Variants in LTN1 observed in about 807,000 individuals in gnomAD.
The protein encoded by LTN1 is listerin E3 ubiquitin protein ligase 1.
In LTN1, 88 loss-of-function variants were observed where a neutral mutation model predicts 201.2. The observed-to-expected ratio is 0.44, with a 90% CI of 0.37 to 0.52. The LOEUF (loss-of-function observed/expected upper bound fraction) is 0.52. Ranked by LOEUF, LTN1 falls within the 20% of genes least tolerant of loss-of-function variation. The pLI, the probability that LTN1 is intolerant of heterozygous loss-of-function variation, is 0.00. For missense variants in LTN1, 1,752 were observed against 2,038.7 expected (o/e 0.86, Z 2.71); for synonymous variants, 645 against 713.5 (o/e 0.90, Z 1.53).
intron 21 of LTN1, 83 bp from the exon 22 acceptor site, chr21:28,944,679 C>A: frequency 1.1e-6 from 1 of 935,938 alleles, no homozygotes; most frequent in Non-Finnish European, 1.6e-6. Flanking sequence ...AAAAGCCCCA[C>A]TTTCATTTCT....
intron 8 of LTN1, 28 bp from the exon 9 acceptor site, chr21:28,969,629 T>C (rs769113223): frequency 7.2e-6 from 11 of 1,537,412 alleles, no homozygotes; most frequent in Non-Finnish European, 8.7e-6. Flanking sequence ...ACTGGATTAC[T>C]CTTTCATGAA....
intron 6 of LTN1, among the ~76,000 whole-genome samples, chr21:28,977,788 C>T (rs1432303141): frequency 1.3e-5 from 2 of 151,964 alleles, no homozygotes; most frequent in East Asian, 1.9e-4. Context: ...ATTAGCCAGG[C>T]GTGGTGGTGG....
intron 16 of LTN1, among the ~76,000 whole-genome samples, chr21:28,954,148 A>G (rs908477366): frequency 3.9e-5 from 6 of 152,216 alleles, no homozygotes; most frequent in Non-Finnish European, 2.9e-5. Flanking sequence ...AATTAGTAAC[A>G]CAAAAAATTA....
intron 14 of LTN1, among the ~76,000 whole-genome samples, 154 bp from the exon 15 acceptor site, chr21:28,957,630 C>T (rs1041235922): frequency 5.3e-5 from 8 of 151,978 alleles, no homozygotes; most frequent in African/African-American, 1.7e-4. Flanking sequence ...CGATGACACA[C>T]CAACATAACA....
At position 28,941,329 on chromosome 21, in the gene LTN1, A is replaced by C; in HGVS notation, c.4373T>G (p.Val1458Gly). 1 of 1,613,486 alleles carries C rather than the reference A, an allele frequency of 6.2e-7. No homozygotes were observed. Among genetic ancestry groups the C allele is most frequent in the Non-Finnish European group, 8.5e-7 (1 of 1,179,582 alleles). Residue 1458 changes from valine to glycine, a missense_variant, in exon 25 of 30, where the codon GTT becomes GGT. By Grantham distance (109) the Val-to-Gly change is moderately radical. This residue lies in a region of LTN1 where 1,211 missense variants were observed against 1,312.8 expected (regional missense o/e 0.92). Transcript: ENST00000361371. ...LLENVLGCIP[V>G]GQIVTIKPLS... ...TGGTTTAATAGTAACTATCTGTCCAACAGGAATACACCCCAAAACATTTTC... is the reference window on the plus strand; with the variant it reads ...TGGTTTAATAGTAACTATCTGTCCACCAGGAATACACCCCAAAACATTTTC...
At chr21:28,944,875 T>C (rs1299310128) in intron 21 of LTN1, among the ~76,000 whole-genome samples, 1 of 152,186 alleles carries the variant, frequency 6.6e-6, no homozygotes, top group Non-Finnish European at 1.5e-5. Context: ...ACACATTAAA[T>C]ACACATTTAT....
chr21:28,958,104 G>A (rs898096517), intron 14 of LTN1, among the ~76,000 whole-genome samples: 25 of 152,156 alleles, frequency 1.6e-4, no homozygotes, highest in Admixed American at 6.5e-4. Flanking sequence ...GGAAAAATTC[G>A]TTTGGGTCTT....
At position 28,935,241 on chromosome 21, in the gene LTN1, C is replaced by T. The variant is rs200852556; in HGVS notation, c.4743G>A (p.Leu1581=). ...TLKDLPAMVR[L]WWNSSEKRVF... Reference sequence around the variant, plus strand: ...CACGCTTCTCACTGCTATTCCACCACAACCTAACCATGGCAGGCAAGTCTT... The same window carrying T: ...CACGCTTCTCACTGCTATTCCACCATAACCTAACCATGGCAGGCAAGTCTT... Residue 1581 remains leucine (L), a synonymous_variant, in exon 27 of 30, where the codon TTG becomes TTA. Coordinates refer to ENST00000361371, the MANE Select transcript of LTN1 (RefSeq NM_015565.3). 7 of 1,613,980 alleles carry T rather than the reference C, an allele frequency of 4.3e-6. No homozygotes were observed. In the South Asian group the frequency reaches 6.6e-5, roughly 15 times the overall value.
intron 6 of LTN1, among the ~76,000 whole-genome samples, chr21:28,972,920 C>T (rs998940668): frequency 6.6e-6 from 1 of 152,160 alleles, no homozygotes; most frequent in Non-Finnish European, 1.5e-5. Flanking sequence ...GATAAACTAC[C>T]TTCAAAAGAA....
chr21:28,931,965 T>C (rs1043552600), intron 28 of LTN1, among the ~76,000 whole-genome samples: 2 of 152,098 alleles, frequency 1.3e-5, no homozygotes, highest in African/African-American at 4.8e-5. Flanking sequence ...ATCATGCCAT[T>C]GCACTTCAGC....
intron 13 of LTN1, chr21:28,959,253 A>G: frequency 2.0e-6 from 1 of 502,690 alleles, no homozygotes; most frequent in Non-Finnish European, 3.4e-6. Context: ...TTTGAATATC[A>G]AGTGAGATCT....
At chr21:28,968,908 G>A (rs1417083613) in intron 9 of LTN1, among the ~76,000 whole-genome samples, 1 of 150,402 alleles carries the variant, frequency 6.6e-6, no homozygotes, top group East Asian at 2.1e-4. Context: ...CGCCCAGCCT[G>A]CACTACATCT....
intron 11 of LTN1, among the ~76,000 whole-genome samples, chr21:28,963,438 C>T (rs150921101): frequency 3.0e-4 from 46 of 152,218 alleles, no homozygotes; most frequent in East Asian, 1.2e-3. Flanking sequence ...AATTACAGCA[C>T]GTTTATAGCG....
At chr21:28,988,162 A>AAC (rs2084715052) in intron 1 of LTN1, among the ~76,000 whole-genome samples, 1 of 144,118 alleles carries the variant, frequency 6.9e-6, no homozygotes, top group Non-Finnish European at 1.5e-5. Context: ...AAAAACAACA[A>AAC]AAAAAAACAA....
At chr21:28,932,402 T>A (rs979922254) in intron 28 of LTN1, 68 bp downstream of exon 28, 1 of 1,229,392 alleles carries the variant, frequency 8.1e-7, no homozygotes, top group Non-Finnish European at 1.2e-6. Flanking sequence ...TATTTTATGT[T>A]TAAATGCCCT....
chr21:28,941,186 C>G, intron 25 of LTN1, 34 bp downstream of exon 25: 1 of 1,502,758 alleles, frequency 6.7e-7, no homozygotes, highest in South Asian at 1.2e-5. Context: ...CATATTAGGA[C>G]AGAACTATCG....
chr21:28,989,628 C>A (rs2084729690), intron 1 of LTN1, among the ~76,000 whole-genome samples: 1 of 152,016 alleles, frequency 6.6e-6, no homozygotes, highest in South Asian at 2.1e-4. Flanking sequence ...TTATCTCCTG[C>A]CACTCTTTCC....
intron 4 of LTN1, among the ~76,000 whole-genome samples, chr21:28,982,847 A>G (rs1339061795): frequency 6.6e-6 from 1 of 152,276 alleles, no homozygotes; most frequent in Non-Finnish European, 1.5e-5. Flanking sequence ...TTTATCAGCA[A>G]TAACAATAAC....
intron 25 of LTN1, 51 bp downstream of exon 25, chr21:28,941,169 T>A: frequency 7.8e-7 from 1 of 1,275,052 alleles, no homozygotes; most frequent in South Asian, 1.3e-5. Flanking sequence ...TAGAACAGTA[T>A]CAGAAGCATA....
Sources: allele counts gnomAD v4.1 joint callset (sites outside exome capture counted in the v4.1 genomes callset), GRCh38; gene constraint gnomAD v4.1.1; regional missense constraint gnomAD v4.1.1; transcripts MANE v1.5; gene names NCBI Gene and HGNC (gene_info 2026-07-23, HGNC 2026-07-21).